Variants in HSD11B1L observed in about 807,000 individuals in gnomAD.
HSD11B1L encodes hydroxysteroid 11-beta-dehydrogenase 1-like protein.
In HSD11B1L, 22 loss-of-function variants were observed where a neutral mutation model predicts 27.0. The observed-to-expected ratio is 0.81, with a 90% CI of 0.58 to 1.16. The LOEUF is 1.16. Among genes scored for constraint, HSD11B1L ranks in the 50% most tolerant of loss-of-function variants. HSD11B1L has a pLI of 0.00. For synonymous variants in HSD11B1L, 187 were observed against 189.2 expected (o/e 0.99, Z 0.09); for missense variants, 372 against 401.8 (o/e 0.93, Z 0.63).
At position 5,686,789 on chromosome 19, in the gene HSD11B1L, C is replaced by G; in HGVS notation, c.317-111C>G. 15 of 903,718 alleles carry G rather than the reference C, an allele frequency of 1.7e-5. No homozygotes were observed. The South Asian group carries it at 2.4e-4, about 14-fold the overall frequency. 56.0% of individuals were successfully genotyped at this position (903,718 alleles called of 1,614,324 possible). A position where few individuals can be genotyped will look rare whatever the true frequency, so the allele number is the denominator to read the frequency against. On this transcript the variant is annotated intron_variant, in intron 4 of 7. Transcript: ENST00000339423. ...TGTCTTTGATCGTAGTGGGAGTTAC[C>G]TGGGGCGGAGCTCGCTGGACCAGCG...
chr19:5,687,514 A>C lies in HSD11B1L; in HGVS notation c.514A>C (p.Thr172Pro), dbSNP rs764986364. The C allele has an allele frequency of 6.3e-7, 1 of 1,598,116 alleles. No homozygotes were observed. ...GTCCGCGCCCCCAGGCCGCGTGCCC[A>C]CGTCGTTCTCCACTCCCTACTCGGC... is the stretch of plus-strand genomic sequence containing the variant. ...VVSSLLGRVP[T>P]SFSTPYSAAK... Residue 172 changes from threonine to proline, a missense_variant, in exon 7 of 8, where the codon ACG becomes CCG. Thr to Pro is a conservative substitution (Grantham distance 38). Coordinates refer to ENST00000339423, the MANE Select transcript of HSD11B1L (RefSeq NM_198706.3). The surrounding 1 kb of genome is among the most constrained non-coding windows in gnomAD (Gnocchi z 6.6).
Position 5,687,028 on chromosome 19 carries a change from A to G in HSD11B1L, c.408+37A>G. The G allele has an allele frequency of 6.7e-7, 1 of 1,491,886 alleles. No individual in the cohort carries two copies. The highest frequency in any genetic ancestry group is 1.4e-5 in the African/African-American group (1 of 71,632). The allele number at this position is 1,491,886 out of a possible 1,614,324, so 92.4% of individuals were successfully genotyped here. ...CTCCGCGGCCCCGGCCCGCCCCTCT[A>G]TCTCAGGGACCGGTGGTCCGTTCCC... On this transcript the variant is annotated intron_variant, in intron 5 of 7. Transcript: ENST00000339423. This position sits in a 1 kb window ranked among gnomAD's most constrained non-coding sequence, Gnocchi z 6.6.
chr19:5,684,671 G>A, intron 1 of HSD11B1L, 148 bp from the exon 2 acceptor site: 2 of 1,287,160 alleles, frequency 1.6e-6, no homozygotes, highest in Non-Finnish European at 2.1e-6. Flanking sequence ...GGTTCATGGA[G>A]CCACCGTGGT....
chr19:5,684,762 A>G (rs2054643170), intron 1 of HSD11B1L, 57 bp from the exon 2 acceptor site: 2 of 1,604,988 alleles, frequency 1.2e-6, no homozygotes, highest in African/African-American at 1.3e-5. Context: ...CCCACCAAAC[A>G]CGGGTGGCTG....
Position 5,685,207 on chromosome 19 carries a change from C to A in HSD11B1L, c.204+88C>A. 1 of 1,488,990 alleles carries A rather than the reference C, an allele frequency of 6.7e-7. No homozygotes were observed. The highest frequency in any genetic ancestry group is 9.1e-7 in the Non-Finnish European group (1 of 1,104,120). The allele number at this position is 1,488,990 out of a possible 1,614,324, so 92.2% of individuals were successfully genotyped here. On this transcript the variant is annotated intron_variant, in intron 3 of 7. Coordinates refer to ENST00000339423, the MANE Select transcript of HSD11B1L (RefSeq NM_198706.3). The surrounding 1 kb of genome is among the most constrained non-coding windows in gnomAD (Gnocchi z 4.3). ...GGTTTAATCCCTGCAATGATCCAGG[C>A]TTCCCGTGTGACCTTGGGCAAGTCG...
In HSD11B1L at chr19:5,686,527, G is replaced by T; in HGVS notation, c.316G>T (p.Gly106Cys). Residue 106 changes from glycine to cysteine, a missense_variant and splice_region_variant, in exon 4 of 8, where the codon GGC becomes TGC. Physicochemically the swap from Gly to Cys is radical, Grantham distance 159 (BLOSUM62 -3). Transcript: ENST00000339423. ...GGTGCAGTTTGCGCTGGACAAGCTGGGTGAGGGGCTGGGCCTGAAGCCTGG... is the reference window on the plus strand; with the variant it reads ...GGTGCAGTTTGCGCTGGACAAGCTGTGTGAGGGGCTGGGCCTGAAGCCTGG... ...SVVQFALDKL[G>C]GLDYLVLNHI... 1 of 1,572,172 alleles carries T rather than the reference G, an allele frequency of 6.4e-7. No individual in the cohort carries two copies. Among genetic ancestry groups the T allele is most frequent in the Non-Finnish European group, 8.6e-7 (1 of 1,159,088 alleles).
At chr19:5,682,846 C>G (rs1339755241) in intron 1 of HSD11B1L, among the ~76,000 whole-genome samples, 3 of 123,388 alleles carry the variant, frequency 2.4e-5, no homozygotes, top group African/African-American at 9.2e-5. Context: ...TAGACAGAGT[C>G]TCACTCTGTT....
intron 4 of HSD11B1L, 77 bp downstream of exon 4, chr19:5,686,604 G>T (rs772926071): frequency 1.7e-5 from 20 of 1,168,290 alleles, no homozygotes; most frequent in Non-Finnish European, 2.2e-5. Context: ...TTGGGCTGTG[G>T]GTGTGGCCAC....
At position 5,686,524 on chromosome 19, in the gene HSD11B1L, C is replaced by A; in HGVS notation, c.313C>A (p.Leu105Met). 1 of 1,574,108 alleles carries A rather than the reference C, an allele frequency of 6.4e-7. No individual in the cohort carries two copies. The highest frequency in any genetic ancestry group is 8.6e-7 in the Non-Finnish European group (1 of 1,160,408). ...ESVVQFALDK[L>M]GGLDYLVLNH... ...CGTGGTGCAGTTTGCGCTGGACAAG[C>A]TGGGTGAGGGGCTGGGCCTGAAGCC... is the stretch of plus-strand genomic sequence containing the variant. The change falls in exon 4 of 8, where the codon CTG (leucine) becomes ATG (methionine). Residue 105 changes from leucine (L) to methionine (M), a missense_variant. Transcript: ENST00000339423.
rs867399171 is a variant in HSD11B1L, at chr19:5,687,075, T to A, written c.408+84T>A. 9.2e-6 allele frequency: 12 copies of A among 1,306,666 alleles called. No individual in the cohort carries two copies. The Middle Eastern group carries it at 7.7e-4, about 84-fold the overall frequency. 80.9% of individuals were successfully genotyped at this position (1,306,666 alleles called of 1,614,324 possible). A position where few individuals can be genotyped will look rare whatever the true frequency, so the allele number is the denominator to read the frequency against. On this transcript the variant is annotated intron_variant, in intron 5 of 7. Transcript: ENST00000339423. This position sits in a 1 kb window ranked among gnomAD's most constrained non-coding sequence, Gnocchi z 6.6. ...TCCCTTCGCGGTCCGGGTTCTGCCT[T>A]CTCCAGGGAGGGCTCTCCACCCGTC...
chr19:5,686,814 G>A, intron 4 of HSD11B1L, 86 bp from the exon 5 acceptor site: 1 of 1,163,036 alleles, frequency 8.6e-7, no homozygotes, highest in Non-Finnish European at 1.2e-6. Flanking sequence ...CTGGACCAGC[G>A]CTCTGGGTGG....
In HSD11B1L at chr19:5,685,571, AAAAT is replaced by A. The variant is rs1231692734; in HGVS notation, c.204+464_204+467del. ...TACTAAAAATACAAAAAATAAAAAT[AAAAT>A]AAATAAATAAAAAATTAGCCGGCGT... On this transcript the variant is annotated intron_variant, in intron 3 of 7. Coordinates refer to ENST00000339423, the MANE Select transcript of HSD11B1L (RefSeq NM_198706.3). The surrounding 1 kb of genome is among the most constrained non-coding windows in gnomAD (Gnocchi z 4.3). 1.7e-5 allele frequency: 3 copies of A among 181,622 alleles called. No individual in the cohort carries two copies. Among genetic ancestry groups the A allele is most frequent in the African/African-American group, 2.4e-5 (1 of 41,752 alleles). 11.3% of individuals were successfully genotyped at this position (181,622 alleles called of 1,614,324 possible). A position where few individuals can be genotyped will look rare whatever the true frequency, so the allele number is the denominator to read the frequency against.
chr19:5,682,379 C>T (rs951892758), intron 1 of HSD11B1L, among the ~76,000 whole-genome samples: 1 of 152,000 alleles, frequency 6.6e-6, no homozygotes, highest in East Asian at 1.9e-4. Context: ...TGGTCAGGCC[C>T]GGGGTAGGGT....
At position 5,687,339 on chromosome 19, in the gene HSD11B1L, A is replaced by T; in HGVS notation, c.466A>T (p.Ser156Cys). The T allele has an allele frequency of 6.2e-7, 1 of 1,612,870 alleles. No individual in the cohort carries two copies. The highest frequency in any genetic ancestry group is 8.5e-7 in the Non-Finnish European group (1 of 1,179,776). ...GCGGGCGCTGCCCAGCCTGACGGACAGCAAGGGCTCCCTGGTGGTGGTGTC... is the reference window on the plus strand; with the variant it reads ...GCGGGCGCTGCCCAGCCTGACGGACTGCAAGGGCTCCCTGGTGGTGGTGTC... ...TSRALPSLTD[S>C]KGSLVVVSSL... Residue 156 changes from serine to cysteine, a missense_variant, in exon 6 of 8, where the codon AGC becomes TGC. Ser to Cys is a moderately radical substitution (Grantham distance 112). Coordinates refer to ENST00000339423, the MANE Select transcript of HSD11B1L (RefSeq NM_198706.3). The surrounding 1 kb of genome is among the most constrained non-coding windows in gnomAD (Gnocchi z 6.6).
At chr19:5,681,861 A>G (rs540270994) in intron 1 of HSD11B1L, among the ~76,000 whole-genome samples, 1 of 152,178 alleles carries the variant, frequency 6.6e-6, no homozygotes, top group African/African-American at 2.4e-5. Flanking sequence ...CCATCTATCC[A>G]TTCATCCATC....
chr19:5,683,184 T>A (rs1599417344), intron 1 of HSD11B1L, among the ~76,000 whole-genome samples: 1 of 132,794 alleles, frequency 7.5e-6, no homozygotes. Context: ...TCCCAGCCTG[T>A]GCAACAAGAG....
chr19:5,687,143 C>A lies in HSD11B1L; in HGVS notation c.409-139C>A. 1.7e-6 allele frequency: 2 copies of A among 1,160,686 alleles called. No homozygotes were observed. The highest frequency in any genetic ancestry group is 1.4e-5 in the South Asian group (1 of 69,648). The allele number at this position is 1,160,686 out of a possible 1,614,324, so 71.9% of individuals were successfully genotyped here. ...CTCCTAGCCCAAGCCCCTGCTCCGG[C>A]CTTGACCCCGCCCTCGGACCCGCCT... On this transcript the variant is annotated intron_variant, in intron 5 of 7. Coordinates refer to ENST00000339423, the MANE Select transcript of HSD11B1L (RefSeq NM_198706.3). This position sits in a 1 kb window ranked among gnomAD's most constrained non-coding sequence, Gnocchi z 6.6.
chr19:5,687,036 GACC>G lies in HSD11B1L; in HGVS notation c.408+46_408+48del. On this transcript the variant is annotated intron_variant, in intron 5 of 7. Coordinates refer to ENST00000339423, the MANE Select transcript of HSD11B1L (RefSeq NM_198706.3). The surrounding 1 kb of genome is among the most constrained non-coding windows in gnomAD (Gnocchi z 6.6). ...CCCCGGCCCGCCCCTCTATCTCAGGGACCGGTGGTCCGTTCCCTTCGCGGTCCG... is the reference window on the plus strand; with the variant it reads ...CCCCGGCCCGCCCCTCTATCTCAGGGGGTGGTCCGTTCCCTTCGCGGTCCG... 6.8e-7 allele frequency: 1 copy of G among 1,480,484 alleles called. No individual in the cohort carries two copies. Among genetic ancestry groups the G allele is most frequent in the Non-Finnish European group, 9.1e-7 (1 of 1,093,840 alleles). 91.7% of individuals were successfully genotyped at this position (1,480,484 alleles called of 1,614,324 possible). A position where few individuals can be genotyped will look rare whatever the true frequency, so the allele number is the denominator to read the frequency against.
rs537348427 is a variant in HSD11B1L, at chr19:5,687,828, G to T, written c.744G>T (p.Ala248=). The T allele has an allele frequency of 9.7e-6, 15 of 1,552,300 alleles. No homozygotes were observed. In the East Asian group the frequency reaches 1.5e-4, roughly 15 times the overall value. Residue 248 remains alanine (A), a synonymous_variant, in exon 8 of 8, where the codon GCG becomes GCT. Coordinates refer to ENST00000339423, the MANE Select transcript of HSD11B1L (RefSeq NM_198706.3). The surrounding 1 kb of genome is among the most constrained non-coding windows in gnomAD (Gnocchi z 6.6). ...TGATCCGCGGCGGCGCCACGCGCGC[G>T]GCCGGCGTCTTCTACCCGTGGCGTT... ...LAVIRGGATR[A]AGVFYPWRFR...
Sources: allele counts gnomAD v4.1 joint callset (sites outside exome capture counted in the v4.1 genomes callset), GRCh38; gene constraint gnomAD v4.1.1; non-coding constraint Gnocchi (gnomAD v3.1); transcripts MANE v1.5; gene names NCBI Gene and HGNC (gene_info 2026-07-23, HGNC 2026-07-21).